NKAIN3: variants seen among roughly 807,000 people sequenced by gnomAD.
The protein encoded by NKAIN3 is sodium/potassium-transporting ATPase subunit beta-1-interacting protein 3.
In NKAIN3, 25 loss-of-function variants were observed where a neutral mutation model predicts 30.2. The ratio of observed to expected loss-of-function variants is 0.83; its 90% CI spans 0.60 to 1.16. The LOEUF is 1.16. NKAIN3 is among the 50% of genes most tolerant of loss of function. NKAIN3 has a pLI of 0.00. For missense variants in NKAIN3, 225 were observed against 254.1 expected (o/e 0.89, Z 0.78); for synonymous variants, 91 against 89.6 (o/e 1.02, Z -0.09).
At chr8:62,781,558 A>G (rs1420692966) in intron 4 of NKAIN3, among the ~76,000 whole-genome samples, 1 of 152,010 alleles carries the variant, frequency 6.6e-6, no homozygotes, top group African/African-American at 2.4e-5. Context: ...AAAGCAGCAT[A>G]GTATTAGAAT....
At chr8:62,491,014 T>A (rs1304003459) in intron 1 of NKAIN3, among the ~76,000 whole-genome samples, 1 of 152,220 alleles carries the variant, frequency 6.6e-6, no homozygotes, top group East Asian at 1.9e-4. Context: ...TTTCTGATCA[T>A]CTTAGTAAGA....
chr8:62,758,993 T>C (rs1172896977), intron 4 of NKAIN3, among the ~76,000 whole-genome samples: 1 of 152,184 alleles, frequency 6.6e-6, no homozygotes, highest in African/African-American at 2.4e-5. Flanking sequence ...CTCAAATGGT[T>C]CCTCAAACCC....
At chr8:62,503,716 A>C (rs182130803) in intron 1 of NKAIN3, among the ~76,000 whole-genome samples, 1 of 152,106 alleles carries the variant, frequency 6.6e-6, no homozygotes, top group Admixed American at 6.5e-5. Context: ...TTCTACTTGC[A>C]TGTCCATTTA....
intron 4 of NKAIN3, among the ~76,000 whole-genome samples, chr8:62,749,941 G>T (rs982962172): frequency 1.3e-5 from 2 of 151,776 alleles, no homozygotes; most frequent in Non-Finnish European, 2.9e-5. Context: ...CTCGGTCTCC[G>T]AAAGTGGTAG....
At chr8:62,636,706 C>A (rs991032341) in intron 3 of NKAIN3, among the ~76,000 whole-genome samples, 4 of 152,142 alleles carry the variant, frequency 2.6e-5, no homozygotes. Flanking sequence ...GGAATTTCCT[C>A]ACACATAGAG....
At chr8:62,958,312 T>G (rs897205970) in intron 6 of NKAIN3, among the ~76,000 whole-genome samples, 9 of 152,044 alleles carry the variant, frequency 5.9e-5, no homozygotes, top group Non-Finnish European at 1.5e-5. Context: ...CAGTGGTGGT[T>G]ATCTGGGTCT....
At chr8:62,472,864 G>A (rs1806397103) in intron 1 of NKAIN3, among the ~76,000 whole-genome samples, 1 of 152,182 alleles carries the variant, frequency 6.6e-6, no homozygotes, top group Admixed American at 6.5e-5. Context: ...TCATGTTCCA[G>A]ACACTGATCC....
chr8:62,329,829 GAATT>G (rs1815279801), intron 1 of NKAIN3, among the ~76,000 whole-genome samples: 1 of 152,068 alleles, frequency 6.6e-6, no homozygotes, highest in Non-Finnish European at 1.5e-5. Flanking sequence ...ATGAGAGAAT[GAATT>G]ATTTTCCTTT....
chr8:62,964,834 G>A (rs1220517912), intron 6 of NKAIN3, among the ~76,000 whole-genome samples: 2 of 151,946 alleles, frequency 1.3e-5, no homozygotes, highest in Non-Finnish European at 2.9e-5. Context: ...CCTTTACAGC[G>A]AGAGGTAAAC....
chr8:62,851,653 G>A (rs1368927450), intron 4 of NKAIN3, among the ~76,000 whole-genome samples: 1 of 152,160 alleles, frequency 6.6e-6, no homozygotes, highest in African/African-American at 2.4e-5. Context: ...TTTATTGAGA[G>A]TTTTTAGCAT....
intron 4 of NKAIN3, among the ~76,000 whole-genome samples, chr8:62,821,613 C>A (rs1056838649): frequency 1.3e-5 from 2 of 152,040 alleles, no homozygotes; most frequent in Non-Finnish European, 2.9e-5. Flanking sequence ...TCATCAATTT[C>A]TAAATCATAT....
At chr8:62,956,416 C>A (rs1160890813) in intron 6 of NKAIN3, among the ~76,000 whole-genome samples, 3 of 152,282 alleles carry the variant, frequency 2.0e-5, no homozygotes, top group East Asian at 3.9e-4. Flanking sequence ...TAGCTTTGAA[C>A]TCCATATGCA....
At chr8:62,578,414 T>C (rs1810184236) in intron 1 of NKAIN3, among the ~76,000 whole-genome samples, 1 of 152,136 alleles carries the variant, frequency 6.6e-6, no homozygotes, top group African/African-American at 2.4e-5. Context: ...AAAAGGATGC[T>C]ATCTAATCCA....
intron 1 of NKAIN3, among the ~76,000 whole-genome samples, chr8:62,371,285 C>A (rs1277493187): frequency 6.6e-6 from 1 of 151,714 alleles, no homozygotes; most frequent in Non-Finnish European, 1.5e-5. Context: ...TTAATTCTTT[C>A]AAGAACCATC....
At chr8:62,748,324 G>A (rs1816155051) in intron 4 of NKAIN3, among the ~76,000 whole-genome samples, 1 of 151,974 alleles carries the variant, frequency 6.6e-6, no homozygotes, top group South Asian at 2.1e-4. Context: ...TCCTGCACAT[G>A]CACATGGCTT....
At chr8:62,354,733 G>A (rs1816290904) in intron 1 of NKAIN3, among the ~76,000 whole-genome samples, 4 of 152,150 alleles carry the variant, frequency 2.6e-5, no homozygotes, top group Admixed American at 2.0e-4. Context: ...GTGAGCCACC[G>A]CGCCAGGCCG....
intron 3 of NKAIN3, among the ~76,000 whole-genome samples, chr8:62,669,836 T>C (rs1006951218): frequency 6.6e-6 from 1 of 152,168 alleles, no homozygotes; most frequent in Non-Finnish European, 1.5e-5. Flanking sequence ...CAAGGAAGTG[T>C]GATTGCCTCC....
At chr8:62,383,640 C>T (rs1817340513) in intron 1 of NKAIN3, 1 of 411,518 alleles carries the variant, frequency 2.4e-6, no homozygotes. Flanking sequence ...AATTATCAAA[C>T]CATTCTTTTC....
intron 2 of NKAIN3, among the ~76,000 whole-genome samples, chr8:62,588,102 T>C (rs1810535234): frequency 6.6e-6 from 1 of 151,874 alleles, no homozygotes; most frequent in African/African-American, 2.4e-5. Flanking sequence ...AATGGCTTTT[T>C]TCTCTTGACT....
Sources: allele counts gnomAD v4.1 joint callset (sites outside exome capture counted in the v4.1 genomes callset), GRCh38; gene constraint gnomAD v4.1.1; transcripts MANE v1.5; gene names NCBI Gene and HGNC (gene_info 2026-07-23, HGNC 2026-07-21).